The following SPOCK1 variants were observed in gnomAD, a reference collection of about 807,000 sequenced individuals.
SPOCK1 encodes testican-1.
SPOCK1 carries 23 observed loss-of-function variants against 55.3 expected under a neutral mutation model. The ratio of observed to expected loss-of-function variants is 0.42; its 90% CI spans 0.30 to 0.59. SPOCK1 has a LOEUF of 0.59. Among genes scored for constraint, SPOCK1 ranks in the 20% least tolerant of loss-of-function variants. SPOCK1 has a pLI of 0.22. For synonymous variants in SPOCK1, 226 were observed against 221.0 expected (o/e 1.02, Z -0.20); for missense variants, 499 against 552.5 (o/e 0.90, Z 0.97).
At chr5:137,324,833 C>A (rs192013808) in intron 2 of SPOCK1, among the ~76,000 whole-genome samples, 1 of 151,820 alleles carries the variant, frequency 6.6e-6, no homozygotes, top group Admixed American at 6.5e-5. Context: ...CTGGAAATCT[C>A]CAAAGAATCT....
At position 136,985,174 on chromosome 5, in the gene SPOCK1, T is replaced by A. The variant is rs2126960097; in HGVS notation, c.957A>T (p.Arg319Ser). 1 of 1,614,180 alleles carries A rather than the reference T, an allele frequency of 6.2e-7. No individual in the cohort carries two copies. Residue 319 changes from arginine to serine, a missense_variant, in exon 9 of 11, where the codon AGA becomes AGT. Coordinates refer to ENST00000394945, the MANE Select transcript of SPOCK1 (RefSeq NM_004598.4). ...GGLPCQNEMN[R>S]IQKLSKGKSL... is the part of the protein sequence containing the mutation. ...TTTTCCCCTTACTCAGCTTCTGAAT[T>A]CTGTTCATTTCATTCTGGCAAGGGA...
At chr5:137,089,449 TACA>T (rs1179485351) in intron 5 of SPOCK1, among the ~76,000 whole-genome samples, 4 of 152,018 alleles carry the variant, frequency 2.6e-5, no homozygotes, top group African/African-American at 9.7e-5. Context: ...CCACACCAGC[TACA>T]ACATGATAGC....
At chr5:137,209,322 C>T (rs1755570124) in intron 3 of SPOCK1, among the ~76,000 whole-genome samples, 1 of 152,110 alleles carries the variant, frequency 6.6e-6, no homozygotes, top group African/African-American at 2.4e-5. Context: ...CTGCCAAAAC[C>T]CTAAATAACC....
At chr5:137,189,159 A>C (rs1418709239) in intron 3 of SPOCK1, among the ~76,000 whole-genome samples, 1 of 151,798 alleles carries the variant, frequency 6.6e-6, no homozygotes, top group African/African-American at 2.4e-5. Context: ...GTGATGGAGA[A>C]GCTGCAAGTT....
At chr5:137,201,142 T>C (rs57370474) in intron 3 of SPOCK1, among the ~76,000 whole-genome samples, 2,950 of 152,272 alleles carry the variant, frequency 0.019, 92 homozygotes, top group African/African-American at 0.067. Context: ...ATGTCTCACA[T>C]TGAGTGAAGG....
intron 6 of SPOCK1, among the ~76,000 whole-genome samples, chr5:137,022,708 T>A (rs1017034038): frequency 9.2e-5 from 14 of 152,196 alleles, no homozygotes; most frequent in Admixed American, 3.9e-4. Context: ...CAAGGTTTTT[T>A]AAGCATAGGA....
At chr5:137,394,494 G>T (rs1751798601) in intron 2 of SPOCK1, among the ~76,000 whole-genome samples, 2 of 152,178 alleles carry the variant, frequency 1.3e-5, no homozygotes, top group Non-Finnish European at 2.9e-5. Flanking sequence ...CTCAAACCTT[G>T]ACCTTTTCTC....
intron 4 of SPOCK1, among the ~76,000 whole-genome samples, chr5:137,121,542 C>T (rs890472244): frequency 6.8e-6 from 1 of 147,208 alleles, no homozygotes; most frequent in Non-Finnish European, 1.5e-5. Context: ...TAAGTGAAAC[C>T]AAATTTATAT....
chr5:137,416,965 G>C (rs960104576), intron 2 of SPOCK1, among the ~76,000 whole-genome samples: 2 of 151,938 alleles, frequency 1.3e-5, no homozygotes, highest in Non-Finnish European at 2.9e-5. Flanking sequence ...TGAAGTTTTT[G>C]TTCAAATATT....
chr5:137,396,077 G>A (rs933486496), intron 2 of SPOCK1, among the ~76,000 whole-genome samples: 1 of 152,144 alleles, frequency 6.6e-6, no homozygotes, highest in African/African-American at 2.4e-5. Flanking sequence ...GAGGCTCTTG[G>A]GTTCCACTAT....
intron 5 of SPOCK1, among the ~76,000 whole-genome samples, chr5:137,101,905 G>C (rs1178359642): frequency 6.6e-6 from 1 of 152,166 alleles, no homozygotes; most frequent in Non-Finnish European, 1.5e-5. Context: ...CATTCCCATA[G>C]ATGAACTTCC....
intron 7 of SPOCK1, among the ~76,000 whole-genome samples, chr5:136,990,588 T>C (rs1201095573): frequency 6.7e-6 from 1 of 150,298 alleles, no homozygotes; most frequent in Non-Finnish European, 1.5e-5. Flanking sequence ...CTACGGGACA[T>C]AACGTGGCCC....
intron 2 of SPOCK1, among the ~76,000 whole-genome samples, chr5:137,341,991 G>A (rs866663805): frequency 2.5e-4 from 38 of 152,332 alleles, no homozygotes; most frequent in African/African-American, 8.2e-4. Context: ...GACTGTGCTC[G>A]GTGACTTGCC....
intron 2 of SPOCK1, among the ~76,000 whole-genome samples, chr5:137,322,486 C>T (rs950671137): frequency 2.6e-5 from 4 of 151,916 alleles, no homozygotes; most frequent in African/African-American, 7.3e-5. Flanking sequence ...ACAAAAATAA[C>T]TATAAAGGTA....
intron 3 of SPOCK1, among the ~76,000 whole-genome samples, chr5:137,256,797 A>G (rs534148330): frequency 6.6e-5 from 10 of 152,292 alleles, no homozygotes; most frequent in Admixed American, 5.2e-4. Flanking sequence ...AGGGACCCCA[A>G]GGACGCATCA....
chr5:136,986,850 G>GATTA, intron 8 of SPOCK1, among the ~76,000 whole-genome samples: 1 of 152,138 alleles, frequency 6.6e-6, no homozygotes, highest in Non-Finnish European at 1.5e-5. Flanking sequence ...ATTTTTATTT[G>GATTA]ATTAATTTTT....
chr5:137,122,206 C>T (rs549546895), intron 4 of SPOCK1, among the ~76,000 whole-genome samples: 2 of 151,246 alleles, frequency 1.3e-5, no homozygotes, highest in East Asian at 3.9e-4. Context: ...GTTGAACAAG[C>T]AAGGCCCCTG....
At chr5:137,466,243 T>A (rs1753620740) in intron 2 of SPOCK1, among the ~76,000 whole-genome samples, 1 of 152,198 alleles carries the variant, frequency 6.6e-6, no homozygotes, top group South Asian at 2.1e-4. Flanking sequence ...TGGACACAAG[T>A]GGAGTGACTG....
In SPOCK1 at chr5:137,341,959, C is replaced by T. The variant is rs532107791; in HGVS notation, c.187-74904G>A. 5.2e-5 allele frequency among the ~76,000 whole-genome samples: 8 copies of T among 152,382 alleles called. No individual in the cohort carries two copies. The South Asian group carries it at 1.7e-3, about 32-fold the overall frequency. On this transcript the variant is annotated intron_variant, in intron 2 of 10. Coordinates refer to ENST00000394945, the MANE Select transcript of SPOCK1 (RefSeq NM_004598.4). ...GCAAACTGTTTTCTCTACTGCAGGA[C>T]TTCTCTGATCCTTTACCATGTGACT... is the stretch of plus-strand genomic sequence containing the variant.
Sources: allele counts gnomAD v4.1 joint callset (sites outside exome capture counted in the v4.1 genomes callset), GRCh38; gene constraint gnomAD v4.1.1; transcripts MANE v1.5; gene names NCBI Gene and HGNC (gene_info 2026-07-23, HGNC 2026-07-21).